Variants in KCNIP4 observed in about 807,000 individuals in gnomAD.
KCNIP4 encodes the protein potassium voltage-gated channel interacting protein 4.
Under a neutral mutation model 34.0 loss-of-function variants are expected in KCNIP4, and 12 were observed. The observed-to-expected ratio is 0.35, with a 90% CI of 0.23 to 0.57. The LOEUF is 0.57. Ranked by LOEUF, KCNIP4 falls within the 20% of genes least tolerant of loss-of-function variation. KCNIP4 has a pLI of 0.83. For synonymous variants in KCNIP4, 124 were observed against 102.2 expected (o/e 1.21, Z -1.29); for missense variants, 238 against 311.7 (o/e 0.76, Z 1.78).
intron 2 of KCNIP4, among the ~76,000 whole-genome samples, chr4:20,866,244 C>CA (rs993793175): frequency 1.3e-4 from 19 of 151,738 alleles, no homozygotes; most frequent in East Asian, 1.9e-4. Flanking sequence ...TGAATACAGA[C>CA]AAAAAAATCC....
At chr4:21,638,682 A>G (rs972589091) in intron 1 of KCNIP4, among the ~76,000 whole-genome samples, 4 of 152,166 alleles carry the variant, frequency 2.6e-5, no homozygotes, top group African/African-American at 9.7e-5. Flanking sequence ...TGAGGTTTTG[A>G]CAGCCAAATA....
rs536946716 is a variant in KCNIP4 at position 21,593,119 on chromosome 4, T to TTGTG, written c.61+355448_61+355451dup. Among the ~76,000 whole-genome samples, 92 of 134,982 alleles carry TTGTG rather than the reference T, an allele frequency of 6.8e-4. 1 individual carries two copies. The South Asian group carries it at 0.017, about 24-fold the overall frequency. 88.6% of individuals were successfully genotyped at this position (134,982 alleles called of 152,430 possible). A position where few individuals can be genotyped will look rare whatever the true frequency, so the allele number is the denominator to read the frequency against. ...ATTTAAATAATGTGTGTGTGTGTGT[T>TTGTG]TGTGTGTGTGTGTGTGTGTGTGTGT... On this transcript the variant is annotated intron_variant, in intron 1 of 8. Coordinates refer to ENST00000382152, the MANE Select transcript of KCNIP4 (RefSeq NM_025221.6).
At chr4:20,943,093 C>T (rs1731810993) in intron 1 of KCNIP4, among the ~76,000 whole-genome samples, 1 of 150,926 alleles carries the variant, frequency 6.6e-6, no homozygotes, top group Non-Finnish European at 1.5e-5. Context: ...TCCCAGAGTA[C>T]AGCTGCAGAA....
chr4:21,699,445 G>A (rs889286122), intron 1 of KCNIP4, among the ~76,000 whole-genome samples: 1 of 152,182 alleles, frequency 6.6e-6, no homozygotes, highest in Admixed American at 6.5e-5. Context: ...AGTAAGTGCT[G>A]TTGAACCAGG....
At chr4:21,004,643 G>T (rs890350865) in intron 1 of KCNIP4, among the ~76,000 whole-genome samples, 9 of 152,170 alleles carry the variant, frequency 5.9e-5, no homozygotes, top group African/African-American at 2.2e-4. Flanking sequence ...AGCAGAGAGG[G>T]AAAGCCTTGT....
chr4:21,912,055 C>A (rs537989729), intron 1 of KCNIP4, among the ~76,000 whole-genome samples: 10 of 152,170 alleles, frequency 6.6e-5, no homozygotes, highest in African/African-American at 2.4e-4. Context: ...TGTGCTATAA[C>A]CATAACTGCA....
intron 1 of KCNIP4, among the ~76,000 whole-genome samples, chr4:20,918,684 C>A (rs542433543): frequency 6.6e-6 from 1 of 152,112 alleles, no homozygotes; most frequent in Non-Finnish European, 1.5e-5. Flanking sequence ...GTGGTCTCAC[C>A]CTGCCCTCTT....
intron 1 of KCNIP4, among the ~76,000 whole-genome samples, chr4:21,128,875 A>G (rs967154632): frequency 6.6e-6 from 1 of 152,182 alleles, no homozygotes; most frequent in Non-Finnish European, 1.5e-5. Context: ...AAAGATTAGT[A>G]TTTGGAGCCA....
chr4:21,257,643 G>A (rs1834347), intron 1 of KCNIP4, among the ~76,000 whole-genome samples: 38,890 of 151,708 alleles, frequency 0.26, 8,301 homozygotes, highest in African/African-American at 0.58. Context: ...CCAGCTACTC[G>A]GGAGGCTGAG....
intron 1 of KCNIP4, among the ~76,000 whole-genome samples, chr4:21,614,501 T>A (rs1337630765): frequency 1.3e-5 from 2 of 148,268 alleles, no homozygotes; most frequent in African/African-American, 4.9e-5. Flanking sequence ...TTTATATATA[T>A]AATATATATA....
chr4:20,817,620 G>T (rs1208641954), intron 3 of KCNIP4, among the ~76,000 whole-genome samples: 6 of 149,942 alleles, frequency 4.0e-5, no homozygotes, highest in African/African-American at 1.5e-4. Context: ...ATTTATCATG[G>T]TGGCTCATTT....
At chr4:21,726,989 T>C (rs1372908268) in intron 1 of KCNIP4, among the ~76,000 whole-genome samples, 4 of 152,196 alleles carry the variant, frequency 2.6e-5, no homozygotes, top group Admixed American at 1.3e-4. Flanking sequence ...ATCTACATGT[T>C]TGGCACTACA....
At chr4:20,904,804 A>G (rs1038219161) in intron 1 of KCNIP4, among the ~76,000 whole-genome samples, 8 of 152,176 alleles carry the variant, frequency 5.3e-5, no homozygotes, top group African/African-American at 1.9e-4. Context: ...TTCTGTCTAA[A>G]CCAATCTATG....
intron 1 of KCNIP4, among the ~76,000 whole-genome samples, chr4:21,117,482 T>C (rs757267378): frequency 6.6e-6 from 1 of 152,130 alleles, no homozygotes; most frequent in African/African-American, 2.4e-5. Context: ...TCCATTTAAA[T>C]AAAAACATCA....
At chr4:21,417,436 G>T (rs1725057793) in intron 1 of KCNIP4, among the ~76,000 whole-genome samples, 1 of 152,130 alleles carries the variant, frequency 6.6e-6, no homozygotes, top group Non-Finnish European at 1.5e-5. Context: ...AGGAAAATCT[G>T]TGTGGTTATG....
rs191622796 is a variant in KCNIP4 at position 21,495,510 on chromosome 4, T to C, written c.61+453061A>G. On this transcript the variant is annotated intron_variant, in intron 1 of 8. Transcript: ENST00000382152. ...GATATGGAAACAACCTTATTATCAT[T>C]AATGATCCGATGATGATAAAAGATA... Among the ~76,000 whole-genome samples, 254 of 152,234 alleles carry C rather than the reference T, an allele frequency of 1.7e-3. 1 individual carries two copies. Among genetic ancestry groups the C allele is most frequent in the African/African-American group, 5.9e-3 (247 of 41,538 alleles).
intron 3 of KCNIP4, among the ~76,000 whole-genome samples, chr4:20,784,877 TG>T (rs1321484059): frequency 6.6e-6 from 1 of 152,132 alleles, no homozygotes; most frequent in Non-Finnish European, 1.5e-5. Context: ...AATTAAGAGC[TG>T]GGTGACTGCG....
intron 1 of KCNIP4, among the ~76,000 whole-genome samples, chr4:21,662,874 A>G (rs1187035665): frequency 6.6e-6 from 1 of 152,230 alleles, no homozygotes; most frequent in East Asian, 1.9e-4. Context: ...AGTGTTTCTA[A>G]TAACTTGATT....
chr4:21,064,549 G>T (rs186201903), intron 1 of KCNIP4, among the ~76,000 whole-genome samples: 17 of 152,082 alleles, frequency 1.1e-4, no homozygotes, highest in Non-Finnish European at 1.8e-4. Flanking sequence ...TTATGCTATA[G>T]TTATCTTAGC....
Sources: gnomAD v4.1 joint callset for allele counts (sites outside exome capture counted in the v4.1 genomes callset) on GRCh38, gnomAD v4.1.1 for gene constraint, MANE v1.5 for transcripts, NCBI Gene and HGNC (gene_info 2026-07-23, HGNC 2026-07-21) for gene names.